Variants in DNER observed in about 807,000 individuals in gnomAD.
DNER encodes the protein delta/notch like EGF repeat containing.
DNER carries 33 observed loss-of-function variants against 78.2 expected under a neutral mutation model. The ratio of observed to expected loss-of-function variants is 0.42; its 90% CI spans 0.32 to 0.56. DNER has a LOEUF of 0.56. Among genes scored for constraint, DNER ranks in the 20% least tolerant of loss-of-function variants. The pLI, the probability that DNER is intolerant of heterozygous loss-of-function variation, is 0.11. For missense variants in DNER, 918 were observed against 975.3 expected, an observed-to-expected ratio of 0.94 and a Z score of 0.78; for synonymous variants, 417 against 384.8, an observed-to-expected ratio of 1.08 and a Z score of -0.98.
chr2:229,683,852 G>A (rs1020775958), intron 1 of DNER, among the ~76,000 whole-genome samples: 1 of 152,024 alleles, frequency 6.6e-6, no homozygotes, highest in African/African-American at 2.4e-5. Flanking sequence ...GGGGGCTAGG[G>A]CATCATGGGG....
intron 4 of DNER, among the ~76,000 whole-genome samples, chr2:229,578,725 A>C (rs1276246849): frequency 6.6e-6 from 1 of 152,212 alleles, no homozygotes; most frequent in Admixed American, 6.5e-5. Context: ...AGAATGAGGT[A>C]CCCCAGCTCC....
chr2:229,592,685 C>T (rs1222204248), intron 1 of DNER, among the ~76,000 whole-genome samples: 3 of 149,856 alleles, frequency 2.0e-5, no homozygotes, highest in East Asian at 1.9e-4. Flanking sequence ...GTTGCAGACA[C>T]GCTACAAAAC....
chr2:229,605,272 A>G (rs1364898340), intron 1 of DNER, among the ~76,000 whole-genome samples: 2 of 152,166 alleles, frequency 1.3e-5, no homozygotes, highest in Non-Finnish European at 2.9e-5. Flanking sequence ...AGGAGTTCAG[A>G]CAGGAAGCAA....
At chr2:229,706,053 G>A (rs892434004) in intron 1 of DNER, among the ~76,000 whole-genome samples, 1 of 152,148 alleles carries the variant, frequency 6.6e-6, no homozygotes, top group Non-Finnish European at 1.5e-5. Flanking sequence ...TACTCTTTCT[G>A]TCAGTCCCAG....
chr2:229,401,219 C>T (rs1031269005), intron 10 of DNER, among the ~76,000 whole-genome samples: 6 of 151,978 alleles, frequency 3.9e-5, no homozygotes, highest in South Asian at 2.1e-4. Flanking sequence ...ACTCAGACAT[C>T]GTTGGTGGGG....
At chr2:229,577,220 A>G (rs1697319014) in intron 4 of DNER, among the ~76,000 whole-genome samples, 2 of 152,022 alleles carry the variant, frequency 1.3e-5, no homozygotes, top group African/African-American at 4.8e-5. Flanking sequence ...GTACATGGGA[A>G]CTCCCTCCAC....
intron 1 of DNER, among the ~76,000 whole-genome samples, chr2:229,640,742 G>C (rs1406003204): frequency 2.0e-5 from 3 of 152,230 alleles, no homozygotes; most frequent in East Asian, 1.9e-4. Context: ...TGGATTGCTG[G>C]ACAGTGTGCT....
At chr2:229,606,542 C>T (rs1050652580) in intron 1 of DNER, among the ~76,000 whole-genome samples, 3 of 151,970 alleles carry the variant, frequency 2.0e-5, no homozygotes, top group African/African-American at 4.8e-5. Context: ...ATGAATGTCC[C>T]CTGTGATTAA....
intron 4 of DNER, among the ~76,000 whole-genome samples, chr2:229,556,939 G>A (rs1696865501): frequency 6.6e-6 from 1 of 152,216 alleles, no homozygotes; most frequent in African/African-American, 2.4e-5. Flanking sequence ...TGCAATTTCA[G>A]TTAGTTGTTT....
rs186070241 is a variant in DNER, at chr2:229,526,787, G to A, written c.994-13851C>T. Reference sequence around the variant, plus strand: ...CTGTGGCCCAGAATGGGGGACCTCTGCTCTAGAGCTTCTGTGTCCCCATCT... The same window carrying A: ...CTGTGGCCCAGAATGGGGGACCTCTACTCTAGAGCTTCTGTGTCCCCATCT... On this transcript the variant is annotated intron_variant, in intron 5 of 12. Coordinates refer to ENST00000341772, the MANE Select transcript of DNER (RefSeq NM_139072.4). 2.1e-3 allele frequency among the ~76,000 whole-genome samples: 317 copies of A among 152,288 alleles called. 3 individuals carry two copies. Among genetic ancestry groups the A allele is most frequent in the Middle Eastern group, 0.01 (3 of 294 alleles).
At position 229,416,405 on chromosome 2, in the gene DNER, A is replaced by C. The variant is rs1034265005; in HGVS notation, c.1609+1703T>G. 5.0e-4 allele frequency among the ~76,000 whole-genome samples: 76 copies of C among 152,312 alleles called. 1 individual carries two copies. The highest frequency in any genetic ancestry group is 1.5e-3 in the African/African-American group (64 of 41,550). On this transcript the variant is annotated intron_variant, in intron 9 of 12. Transcript: ENST00000341772. ...GGCTAGTGGGTGGAAATCTTGGCAG[A>C]GACAGACAACATAACACATTCCCCT...
Position 229,591,517 on chromosome 2 carries a change from G to A in DNER, c.585+63C>T, listed in dbSNP as rs528685737. The A allele has an allele frequency of 3.9e-5, 59 of 1,523,028 alleles. No individual in the cohort carries two copies. Among genetic ancestry groups the A allele is most frequent in the African/African-American group, 2.2e-4 (16 of 72,502 alleles). The allele number at this position is 1,523,028 out of a possible 1,614,324, so 94.3% of individuals were successfully genotyped here. A position where few individuals can be genotyped will look rare whatever the true frequency, so the allele number is the denominator to read the frequency against. ...ATTTTTAATTGCTGATACTAGAACC[G>A]CTGGAGTCACTTTAAGATTTCTGGT... On this transcript the variant is annotated intron_variant, in intron 2 of 12. Coordinates refer to ENST00000341772, the MANE Select transcript of DNER (RefSeq NM_139072.4). The surrounding 1 kb of genome is among the most constrained non-coding windows in gnomAD (Gnocchi z 4.6).
intron 8 of DNER, among the ~76,000 whole-genome samples, chr2:229,444,746 G>C (rs1201927045): frequency 6.6e-6 from 1 of 152,196 alleles, no homozygotes; most frequent in East Asian, 1.9e-4. Context: ...AAAATTAGCA[G>C]GGTGTGGTGG....
chr2:229,651,446 C>T (rs921767924), intron 1 of DNER, among the ~76,000 whole-genome samples: 1 of 152,176 alleles, frequency 6.6e-6, no homozygotes, highest in African/African-American at 2.4e-5. Context: ...CATGGGCAAG[C>T]CCTGGAATCA....
chr2:229,702,526 A>T (rs1485249995), intron 1 of DNER, among the ~76,000 whole-genome samples: 1 of 152,008 alleles, frequency 6.6e-6, no homozygotes. Context: ...ACAGAGTAAG[A>T]CCCTGTCACC....
At position 229,512,855 on chromosome 2, in the gene DNER, G is replaced by T; in HGVS notation, c.1075C>A (p.Gln359Lys). The change falls in exon 6 of 13, where the codon CAA becomes AAA. Residue 359 changes from glutamine (Q) to lysine (K), a missense_variant. Coordinates refer to ENST00000341772, the MANE Select transcript of DNER (RefSeq NM_139072.4). ...GCATCAATACAGCTCGCGTTGTTTT[G>T]GCAAGGTTTCCTCTGGCAAGCATCG... Reference protein sequence around the residue: ...EYDACQRKPCQNNASCIDANE... With the variant: ...EYDACQRKPCKNNASCIDANE... 6.2e-7 allele frequency: 1 copy of T among 1,614,080 alleles called. No individual in the cohort carries two copies.
intron 1 of DNER, among the ~76,000 whole-genome samples, chr2:229,674,419 C>T (rs1699266446): frequency 6.6e-6 from 1 of 152,160 alleles, no homozygotes; most frequent in South Asian, 2.1e-4. Context: ...GCTAGGATTA[C>T]AGGCATGTGC....
chr2:229,660,463 T>G (rs184586970), intron 1 of DNER, among the ~76,000 whole-genome samples: 3 of 152,332 alleles, frequency 2.0e-5, no homozygotes, highest in Non-Finnish European at 4.4e-5. Flanking sequence ...CATTCTTTTT[T>G]GTGGCTGCAG....
chr2:229,703,435 T>C (rs1699781660), intron 1 of DNER, among the ~76,000 whole-genome samples: 1 of 152,252 alleles, frequency 6.6e-6, no homozygotes, highest in South Asian at 2.1e-4. Context: ...AAACCTTAAA[T>C]GATACATGAG....
Sources: allele counts gnomAD v4.1 joint callset (sites outside exome capture counted in the v4.1 genomes callset), GRCh38; gene constraint gnomAD v4.1.1; non-coding constraint Gnocchi (gnomAD v3.1); transcripts MANE v1.5; gene names NCBI Gene and HGNC (gene_info 2026-07-23, HGNC 2026-07-21).